KIT: variants seen among roughly 807,000 people sequenced by gnomAD.
KIT encodes KIT proto-oncogene, receptor tyrosine kinase.
A neutral mutation model predicts 105.7 loss-of-function variants in KIT; 16 were observed. That is an observed-to-expected ratio of 0.15 (90% CI 0.10 to 0.23). KIT has a LOEUF of 0.23. Among genes scored for constraint, KIT ranks in the 10% least tolerant of loss-of-function variants. KIT has a pLI of 1.00. For synonymous variants in KIT, 438 were observed against 441.1 expected (o/e 0.99, Z 0.09); for missense variants, 858 against 1,213.8 (o/e 0.71, Z 4.36).
chr4:54,667,730 A>G (rs376916148), intron 1 of KIT, among the ~76,000 whole-genome samples: 47 of 149,362 alleles, frequency 3.1e-4, no homozygotes, highest in East Asian at 2.5e-3. Flanking sequence ...CTGCAGTGCT[A>G]TATGTGATGA....
chr4:54,698,681 T>TC, intron 3 of KIT, 116 bp downstream of exon 3: 1 of 1,140,430 alleles, frequency 8.8e-7, no homozygotes, highest in East Asian at 2.4e-5. Flanking sequence ...TGTTCATAGT[T>TC]CCCCCAGCTT....
At chr4:54,677,534 A>C (rs956252039) in intron 1 of KIT, among the ~76,000 whole-genome samples, 1 of 152,200 alleles carries the variant, frequency 6.6e-6, no homozygotes, top group African/African-American at 2.4e-5. Flanking sequence ...TTTCAGGGAA[A>C]GTGACTCTTG....
chr4:54,667,166 G>T (rs1234966138), intron 1 of KIT, among the ~76,000 whole-genome samples: 1 of 152,146 alleles, frequency 6.6e-6, no homozygotes, highest in Non-Finnish European at 1.5e-5. Context: ...GGGGTGGATT[G>T]GTTACCCACC....
intron 17 of KIT, among the ~76,000 whole-genome samples, chr4:54,735,983 G>A (rs763005758): frequency 3.9e-5 from 6 of 152,108 alleles, no homozygotes; most frequent in Non-Finnish European, 5.9e-5. Flanking sequence ...GAGAAGAGAG[G>A]GCAGAGGGCA....
At position 54,737,290 on chromosome 4, in the gene KIT, C is replaced by T; in HGVS notation, c.2802+10C>T. ...AGAGAGCACCAATCATGTGAGTATA[C>T]CCTGGCCAGGCATAGAATCCCCCTT... On this transcript the variant is annotated intron_variant, in intron 20 of 20. Coordinates refer to ENST00000288135, the MANE Select transcript of KIT (RefSeq NM_000222.3). The T allele has an allele frequency of 6.4e-7, 1 of 1,561,358 alleles. No homozygotes were observed. The highest frequency in any genetic ancestry group is 8.8e-7 in the Non-Finnish European group (1 of 1,132,038).
intron 17 of KIT, 70 bp downstream of exon 17, chr4:54,733,262 T>G (rs1722719169): frequency 6.5e-7 from 1 of 1,544,220 alleles, no homozygotes; most frequent in Non-Finnish European, 8.9e-7. Flanking sequence ...AAAAATTGTT[T>G]CCTGTGATTT....
chr4:54,675,834 G>C (rs1173239332), intron 1 of KIT, among the ~76,000 whole-genome samples: 2 of 152,158 alleles, frequency 1.3e-5, no homozygotes, highest in African/African-American at 4.8e-5. Context: ...TGGGCTCCGG[G>C]CTCTCAGATG....
chr4:54,715,692 C>T (rs1721444494), intron 7 of KIT, among the ~76,000 whole-genome samples: 1 of 152,118 alleles, frequency 6.6e-6, no homozygotes, highest in African/African-American at 2.4e-5. Context: ...TCCCATCAGG[C>T]CCCACCTCCA....
chr4:54,698,126 AAT>A (rs1720199980), intron 2 of KIT, among the ~76,000 whole-genome samples, 156 bp from the exon 3 acceptor site: 1 of 152,238 alleles, frequency 6.6e-6, no homozygotes, highest in Non-Finnish European at 1.5e-5. Context: ...GTTAATTCTC[AAT>A]AGTACTAGAT....
At chr4:54,693,585 C>T (rs1719857427) in intron 1 of KIT, among the ~76,000 whole-genome samples, 1 of 152,168 alleles carries the variant, frequency 6.6e-6, no homozygotes, top group African/African-American at 2.4e-5. Context: ...GAGCAAATTA[C>T]ACCTCTCACG....
chr4:54,658,939 C>T (rs893842919), intron 1 of KIT, among the ~76,000 whole-genome samples: 1 of 152,202 alleles, frequency 6.6e-6, no homozygotes, highest in Non-Finnish European at 1.5e-5. Flanking sequence ...CCGCCTGCTC[C>T]GGGAAGGCAA....
rs199508856 is a variant in KIT at position 54,657,978 on chromosome 4, C to A, written c.-37C>A. The A allele has an allele frequency of 1.9e-6, 3 of 1,606,262 alleles. No individual in the cohort carries two copies. The highest frequency in any genetic ancestry group is 2.2e-5 in the East Asian group (1 of 44,750). On this transcript the variant is annotated 5_prime_UTR_variant, in exon 1 of 21. Coordinates refer to ENST00000288135, the MANE Select transcript of KIT (RefSeq NM_000222.3). ...CGCTGCACTTGGGCGAGAGCTGGAA[C>A]GTGGACCAGAGCTCGGATCCCATCG...
intron 17 of KIT, among the ~76,000 whole-genome samples, chr4:54,733,926 G>C (rs1477100301): frequency 6.6e-6 from 1 of 152,094 alleles, no homozygotes; most frequent in African/African-American, 2.4e-5. Context: ...CTGTCTTCCT[G>C]GGCCCATTTC....
rs370364842 is a variant in KIT at position 54,727,232 on chromosome 4, C to A, written c.1555C>A (p.His519Asn). The change falls in exon 10 of 21, where the codon CAC (histidine) becomes AAC (asparagine). Residue 519 changes from histidine to asparagine, a missense_variant. Transcript: ENST00000288135. ...KGNNKEQIHP[H>N]TLFTPLLIGF... The stretch of plus-strand genomic sequence containing the variant: ...TTCCATTGTAGAGCAAATCCATCCC[C>A]ACACCCTGTTCACTCCTTTGCTGAT... 1 of 1,614,038 alleles carries A rather than the reference C, an allele frequency of 6.2e-7. No individual in the cohort carries two copies. The highest frequency in any genetic ancestry group is 8.5e-7 in the Non-Finnish European group (1 of 1,179,948).
chr4:54,736,285 C>T lies in KIT; in HGVS notation c.2485-213C>T, dbSNP rs12649726. On this transcript the variant is annotated intron_variant, in intron 17 of 20. Coordinates refer to ENST00000288135, the MANE Select transcript of KIT (RefSeq NM_000222.3). ...CTCCATGCCGTACTGACATAGTGCTCACATCTTAAAATGGGGATAATGCAC... is the reference window on the plus strand; with the variant it reads ...CTCCATGCCGTACTGACATAGTGCTTACATCTTAAAATGGGGATAATGCAC... Among the ~76,000 whole-genome samples, 16,806 of 152,124 alleles carry T rather than the reference C, an allele frequency of 0.11. 1,016 individuals carry two copies. The highest frequency in any genetic ancestry group is 0.18 in the South Asian group (873 of 4,816).
rs191231750 is a variant in KIT, at chr4:54,661,356, G to A, written c.67+3275G>A. 2.4e-4 allele frequency among the ~76,000 whole-genome samples: 36 copies of A among 147,078 alleles called. No homozygotes were observed. In the East Asian group the frequency reaches 6.8e-3, roughly 28 times the overall value. On this transcript the variant is annotated intron_variant, in intron 1 of 20. Transcript: ENST00000288135. ...GAGAACATTTATGTACAGATGTTGTGGTGGTGATGAATTTTGCTGCTGTTG... is the reference window on the plus strand; with the variant it reads ...GAGAACATTTATGTACAGATGTTGTAGTGGTGATGAATTTTGCTGCTGTTG...
chr4:54,703,639 C>A, intron 4 of KIT, 85 bp from the exon 5 acceptor site: 1 of 1,127,408 alleles, frequency 8.9e-7, no homozygotes, highest in Non-Finnish European at 1.3e-6. Flanking sequence ...TTAATTGCTG[C>A]TATTTTTAAT....
intron 1 of KIT, among the ~76,000 whole-genome samples, chr4:54,686,781 G>A (rs1719338655): frequency 6.6e-6 from 1 of 152,204 alleles, no homozygotes; most frequent in South Asian, 2.1e-4. Context: ...CTGGACTCAA[G>A]TGATCTGCCT....
At chr4:54,681,253 T>A (rs1224082420) in intron 1 of KIT, among the ~76,000 whole-genome samples, 1 of 148,842 alleles carries the variant, frequency 6.7e-6, no homozygotes, top group Non-Finnish European at 1.5e-5. Context: ...AACACAGAAA[T>A]CTACATATTT....
Sources: allele counts gnomAD v4.1 joint callset (sites outside exome capture counted in the v4.1 genomes callset), GRCh38; gene constraint gnomAD v4.1.1; transcripts MANE v1.5; gene names NCBI Gene and HGNC (gene_info 2026-07-23, HGNC 2026-07-21).